Variants in GPR19 observed in about 807,000 individuals in gnomAD.
The protein encoded by GPR19 is probable G protein-coupled receptor 19.
Under a neutral mutation model 28.5 loss-of-function variants are expected in GPR19, and 14 were observed. The observed-to-expected ratio is 0.49, with a 90% CI of 0.32 to 0.77. The LOEUF (loss-of-function observed/expected upper bound fraction) is 0.77, where lower values mean the gene tolerates loss of function less well. GPR19 is among the 30% of genes least tolerant of loss of function. The probability of loss-of-function intolerance (pLI) is 0.03; values close to 1 mark genes in which losing one functional copy is unlikely to be tolerated. For missense variants in GPR19, 409 were observed against 504.1 expected (o/e 0.81, Z 1.81); for synonymous variants, 173 against 184.1 (o/e 0.94, Z 0.49).
At chr12:12,704,445 T>C in the GPR19 span, among the ~76,000 whole-genome samples, 1 of 152,120 alleles carries the variant, frequency 6.6e-6, no homozygotes, top group Non-Finnish European at 1.5e-5. Context: ...GAGGTTACAG[T>C]GAGCCGAGAT....
the GPR19 span, among the ~76,000 whole-genome samples, chr12:12,707,865 T>C: frequency 2.6e-5 from 4 of 151,918 alleles, no homozygotes; most frequent in African/African-American, 9.7e-5. Flanking sequence ...ATTACAGGCA[T>C]GAGTCACTGC....
rs1395336822 is a variant in GPR19, at chr12:12,661,718, T to C, written c.731A>G (p.Gln244Arg). 1 of 1,614,010 alleles carries C rather than the reference T, an allele frequency of 6.2e-7. No homozygotes were observed. Among genetic ancestry groups the C allele is most frequent in the Non-Finnish European group, 8.5e-7 (1 of 1,179,990 alleles). The change falls in exon 4 of 4, where the codon CAA becomes CGA. Residue 244 changes from glutamine to arginine, a missense_variant. Gln to Arg is a conservative substitution (Grantham distance 43). Transcript: ENST00000651487. This position sits in a 1 kb window ranked among gnomAD's most constrained non-coding sequence, Gnocchi z 4.2. ...TCTCCAAATATATTTTATGACCTTT[T>C]GGTAAAATAAAATTATGAGGACAGA... ...IPSVLIILFY[Q>R]KVIKYIWRIG...
rs776178772 is a variant in GPR19, at chr12:12,662,486, A to G, written c.-22-16T>C. 3.2e-6 allele frequency: 5 copies of G among 1,581,210 alleles called. No homozygotes were observed. Among genetic ancestry groups the G allele is most frequent in the Non-Finnish European group, 4.3e-6 (5 of 1,156,974 alleles). ...TCTCTTAATTCTGGTTGGGGAAAAGAAGAATGAGGCCTCCTGTTAAAAAGG... is the reference window on the plus strand; with the variant it reads ...TCTCTTAATTCTGGTTGGGGAAAAGGAGAATGAGGCCTCCTGTTAAAAAGG... On this transcript the variant is annotated splice_polypyrimidine_tract_variant and intron_variant, in intron 3 of 3. Coordinates refer to ENST00000651487, the MANE Select transcript of GPR19 (RefSeq NM_006143.3).
chr12:12,666,136 T>TC (rs1487568193), intron 3 of GPR19, among the ~76,000 whole-genome samples: 2 of 152,138 alleles, frequency 1.3e-5, no homozygotes, highest in East Asian at 3.9e-4. Flanking sequence ...TCTGGGTTGA[T>TC]CTTTTTTGGG....
At chr12:12,668,921 T>C (rs2136321704) in intron 3 of GPR19, 1 of 152,362 alleles carries the variant, frequency 6.6e-6, no homozygotes, top group East Asian at 1.9e-4. Flanking sequence ...ACTGAAGTTC[T>C]TCCCCAAAGT....
In GPR19 at chr12:12,662,110, G is replaced by A. The variant is rs143793074; in HGVS notation, c.339C>T (p.Leu113=). The A allele has an allele frequency of 6.2e-6, 10 of 1,614,040 alleles. No homozygotes were observed. In the African/African-American group the frequency reaches 1.1e-4, roughly 17 times the overall value. The change falls in exon 4 of 4, where the codon CTC becomes CTT. Residue 113 remains leucine (L), a synonymous_variant. Coordinates refer to ENST00000651487, the MANE Select transcript of GPR19 (RefSeq NM_006143.3). ...FVVSMACADL[L]ISVASTPFVL... is the part of the protein sequence containing the mutation. Reference sequence around the variant, plus strand: ...CGAAAGGCGTGCTGGCAACGCTGATGAGAAGGTCAGCACATGCCATGGAGA... The same window carrying A: ...CGAAAGGCGTGCTGGCAACGCTGATAAGAAGGTCAGCACATGCCATGGAGA...
chr12:12,693,333 T>C lies in GPR19; in HGVS notation c.-180+2126A>G, dbSNP rs559450386. Among the ~76,000 whole-genome samples the C allele has an allele frequency of 2.4e-4, 37 of 152,246 alleles. 1 individual carries two copies. Among genetic ancestry groups the C allele is most frequent in the African/African-American group, 8.4e-4 (35 of 41,544 alleles). ...CATTCCCATGTACAGCAGCCTCTCA[T>C]TGGAAAAGAACACACATTTCAATCA... On this transcript the variant is annotated intron_variant, in intron 2 of 3. Coordinates refer to ENST00000651487, the MANE Select transcript of GPR19 (RefSeq NM_006143.3).
intron 3 of GPR19, among the ~76,000 whole-genome samples, chr12:12,675,694 A>G (rs949337892): frequency 6.6e-5 from 10 of 152,116 alleles, no homozygotes; most frequent in African/African-American, 2.4e-4. Flanking sequence ...ACATAGAGGG[A>G]CCAGGATGAG....
At chr12:12,693,824 T>A (rs1946219820) in intron 2 of GPR19, among the ~76,000 whole-genome samples, 1 of 152,150 alleles carries the variant, frequency 6.6e-6, no homozygotes, top group Admixed American at 6.5e-5. Context: ...TGCCTCAGCC[T>A]CCGGAGTAGT....
At chr12:12,678,635 G>A (rs1158460967) in intron 3 of GPR19, among the ~76,000 whole-genome samples, 1 of 152,058 alleles carries the variant, frequency 6.6e-6, no homozygotes, top group Non-Finnish European at 1.5e-5. Flanking sequence ...AAAGTTTCAC[G>A]GCCTGCCCCC....
chr12:12,712,974 T>C, the GPR19 span, among the ~76,000 whole-genome samples: 1 of 151,846 alleles, frequency 6.6e-6, no homozygotes, highest in African/African-American at 2.4e-5. Flanking sequence ...TAAAACCTCC[T>C]AATGCCCCAA....
At chr12:12,711,197 G>A in the GPR19 span, among the ~76,000 whole-genome samples, 1 of 151,928 alleles carries the variant, frequency 6.6e-6, no homozygotes, top group East Asian at 1.9e-4. Flanking sequence ...GGGAGGCTGA[G>A]GCAGGAGAAT....
upstream of GPR19, among the ~76,000 whole-genome samples, chr12:12,698,819 C>T (rs935290352): frequency 1.3e-5 from 2 of 151,324 alleles, no homozygotes; most frequent in African/African-American, 2.4e-5. Flanking sequence ...ACCATGTTGG[C>T]CAGGCTAGTC....
At chr12:12,681,550 T>C (rs1946021877) in intron 3 of GPR19, among the ~76,000 whole-genome samples, 1 of 152,190 alleles carries the variant, frequency 6.6e-6, no homozygotes, top group Non-Finnish European at 1.5e-5. Context: ...TCCAGATCCA[T>C]GCCTCATGTG....
chr12:12,698,853 G>A (rs11610608), upstream of GPR19, among the ~76,000 whole-genome samples: 38,932 of 151,506 alleles, frequency 0.26, 5,194 homozygotes, highest in African/African-American at 0.32. Context: ...CTCGTGATCC[G>A]CCAGCTTTGG....
chr12:12,687,899 A>C (rs1197288492), intron 2 of GPR19, among the ~76,000 whole-genome samples: 1 of 152,238 alleles, frequency 6.6e-6, no homozygotes, highest in Non-Finnish European at 1.5e-5. Context: ...TTGAGGCTTC[A>C]GTGAGCTCTG....
chr12:12,685,565 C>G (rs1012786275), intron 2 of GPR19, among the ~76,000 whole-genome samples: 8 of 152,126 alleles, frequency 5.3e-5, no homozygotes, highest in African/African-American at 1.9e-4. Flanking sequence ...CCATGGGAGC[C>G]TGCTGACTAA....
chr12:12,678,008 A>T (rs928233927), intron 3 of GPR19, among the ~76,000 whole-genome samples: 1 of 131,752 alleles, frequency 7.6e-6, no homozygotes. Flanking sequence ...TGGGAGGCGG[A>T]GGTTGCGGTG....
At chr12:12,709,769 A>G in the GPR19 span, among the ~76,000 whole-genome samples, 3 of 152,178 alleles carry the variant, frequency 2.0e-5, no homozygotes, top group Admixed American at 6.5e-5. Flanking sequence ...GGTACTTTCA[A>G]TCTCAAGTCT....
Sources: gnomAD v4.1 joint callset for allele counts (sites outside exome capture counted in the v4.1 genomes callset) on GRCh38, gnomAD v4.1.1 for gene constraint, Gnocchi (gnomAD v3.1) non-coding constraint, MANE v1.5 for transcripts, NCBI Gene and HGNC (gene_info 2026-07-23, HGNC 2026-07-21) for gene names.